The following PSG11 variants were observed in gnomAD, a reference collection of about 807,000 sequenced individuals.
The protein encoded by PSG11 is pregnancy-specific beta-1-glycoprotein 11.
In PSG11, 42 loss-of-function variants were observed where a neutral mutation model predicts 36.0. The ratio of observed to expected loss-of-function variants is 1.17; its 90% confidence interval spans 0.91 to 1.51. The LOEUF (loss-of-function observed/expected upper bound fraction) is 1.51, where lower values mean the gene tolerates loss of function less well. Among genes scored for constraint, PSG11 ranks in the 40% most tolerant of loss-of-function variants. The pLI is 0.00. For missense variants in PSG11, 558 were observed against 403.5 expected, an observed-to-expected ratio of 1.38 and a Z score of -3.28; for synonymous variants, 206 against 153.5, an observed-to-expected ratio of 1.34 and a Z score of -2.53.
chr19:43,024,096 T>C (rs1471511195), intron 2 of PSG11, among the ~76,000 whole-genome samples: 1 of 151,374 alleles, frequency 6.6e-6, no homozygotes, highest in African/African-American at 2.4e-5. Flanking sequence ...CTCTCCACTC[T>C]GAGTGTCAGG....
chr19:43,010,693 C>T (rs10407795), intron 4 of PSG11: 4,862 of 182,338 alleles, frequency 0.027, 432 homozygotes, highest in African/African-American at 0.11. Flanking sequence ...TCCTGTACTA[C>T]CTTCATGCCT....
At chr19:43,021,570 C>G (rs1337606245) in intron 2 of PSG11, among the ~76,000 whole-genome samples, 1 of 151,360 alleles carries the variant, frequency 6.6e-6, no homozygotes, top group Non-Finnish European at 1.5e-5. Context: ...CCAGGATGGT[C>G]TCCATCTCCT....
chr19:43,022,588 A>G lies in PSG11; in HGVS notation c.430+2103T>C, dbSNP rs560958910. Among the ~76,000 whole-genome samples the G allele has an allele frequency of 5.5e-4, 83 of 151,378 alleles. 3 individuals carry two copies. The highest frequency in any genetic ancestry group is 1.7e-3 in the African/African-American group (68 of 41,064). Reference sequence around the variant, plus strand: ...AAATCTTTCTTTACTAAAAATCACCATTTCAATAAATTTGTGTGTTTGTGT... The same window carrying G: ...AAATCTTTCTTTACTAAAAATCACCGTTTCAATAAATTTGTGTGTTTGTGT... On this transcript the variant is annotated intron_variant, in intron 2 of 5. Coordinates refer to ENST00000320078, the MANE Select transcript of PSG11 (RefSeq NM_002785.3).
chr19:43,008,178 A>C (rs1973978129), intron 5 of PSG11, 136 bp from the exon 6 acceptor site: 1 of 266,076 alleles, frequency 3.8e-6, no homozygotes, highest in Admixed American at 5.5e-5. Context: ...TGGTAAAGAC[A>C]CAGCTCACAT....
chr19:43,024,828 C>T lies in PSG11; in HGVS notation c.293G>A (p.Arg98Gln), dbSNP rs768654374. The change falls in exon 2 of 6, where the codon CGA (arginine) becomes CAA (glutamine). Residue 98 changes from arginine to glutamine, a missense_variant. Coordinates refer to ENST00000320078, the MANE Select transcript of PSG11 (RefSeq NM_002785.3). ...IIIYGPAYSG[R>Q]ETVYSNASLL... ...GGATGCATTGGAATATACTGTTTCT[C>T]GTCCACTGTATGCCGGTCCATATAT... is the stretch of plus-strand genomic sequence containing the variant. The T allele has an allele frequency of 3.2e-5, 52 of 1,611,836 alleles. 4 individuals are homozygous for T. The highest frequency in any genetic ancestry group is 1.3e-4 in the Admixed American group (8 of 59,832).
Position 43,016,820 on chromosome 19 carries a change from A to G in PSG11, c.710-1450T>C, listed in dbSNP as rs1966978743. ...CCTTTCCTTCTGCAGAGGGCAGGTG[A>G]GGACCATGTGGATCTTTCCAGAAAT... is the stretch of plus-strand genomic sequence containing the variant. On this transcript the variant is annotated intron_variant, in intron 3 of 5. Coordinates refer to ENST00000320078, the MANE Select transcript of PSG11 (RefSeq NM_002785.3). Among the ~76,000 whole-genome samples the G allele has an allele frequency of 3.3e-5, 5 of 151,684 alleles. No individual in the cohort carries two copies. The South Asian group carries it at 1.0e-3, about 32-fold the overall frequency.
intron 2 of PSG11, chr19:43,019,282 A>T: frequency 1.1e-6 from 1 of 922,728 alleles, no homozygotes; most frequent in South Asian, 2.0e-5. Flanking sequence ...ATTGAGCAGC[A>T]GCATTGGGTC....
intron 3 of PSG11, chr19:43,015,836 G>T: frequency 6.2e-7 from 1 of 1,610,150 alleles, no homozygotes; most frequent in Middle Eastern, 2.1e-4. Context: ...CATTGATAGG[G>T]TCCTGTTTCA....
At chr19:43,019,166 A>C in intron 2 of PSG11, 118 bp from the exon 3 acceptor site, 1 of 1,521,918 alleles carries the variant, frequency 6.6e-7, no homozygotes, top group Non-Finnish European at 8.8e-7. Flanking sequence ...CTAAAAGCCC[A>C]TGGCAGGTGT....
At chr19:43,014,222 T>A in intron 4 of PSG11, 1 of 581,662 alleles carries the variant, frequency 1.7e-6, no homozygotes, top group Non-Finnish European at 2.2e-6. Flanking sequence ...ATTGCACACT[T>A]AGAAACAGTT....
At chr19:43,023,835 T>C (rs1967165758) in intron 2 of PSG11, among the ~76,000 whole-genome samples, 1 of 151,406 alleles carries the variant, frequency 6.6e-6, no homozygotes, top group Non-Finnish European at 1.5e-5. Flanking sequence ...ATGCTATCTG[T>C]GAATAAATGT....
At position 43,018,478 on chromosome 19, in the gene PSG11, C is replaced by T. The variant is rs139934441; in HGVS notation, c.709+292G>A. The T allele has an allele frequency of 7.5e-4, 480 of 643,172 alleles. 2 individuals carry two copies. In the African/African-American group the frequency reaches 8.3e-3, roughly 11 times the overall value. The allele number at this position is 643,172 out of a possible 1,614,324, so 39.8% of individuals were successfully genotyped here. On this transcript the variant is annotated intron_variant, in intron 3 of 5. Coordinates refer to ENST00000320078, the MANE Select transcript of PSG11 (RefSeq NM_002785.3). ...GTGAGCCAAGTCGCAAGACTGAAGTCCCAGCCAAATCCTCGCTGTGTTCAC... is the reference window on the plus strand; with the variant it reads ...GTGAGCCAAGTCGCAAGACTGAAGTTCCAGCCAAATCCTCGCTGTGTTCAC...
At chr19:43,016,329 C>A (rs1397174263) in intron 3 of PSG11, among the ~76,000 whole-genome samples, 1 of 151,190 alleles carries the variant, frequency 6.6e-6, no homozygotes, top group Non-Finnish European at 1.5e-5. Context: ...CCCCTGGTAC[C>A]CCTCCCAGTC....
intron 4 of PSG11, chr19:43,014,412 G>A: frequency 1.1e-6 from 1 of 948,404 alleles, no homozygotes; most frequent in Non-Finnish European, 1.3e-6. Context: ...TGTGCCCACA[G>A]CCTCATACAG....
At chr19:43,015,793 C>T (rs1966949481) in intron 3 of PSG11, 1 of 1,610,170 alleles carries the variant, frequency 6.2e-7, no homozygotes, top group South Asian at 1.1e-5. Flanking sequence ...GACTGAGTCA[C>T]TGCGGATGCC....
rs201797073 is a variant in PSG11 at position 43,010,039 on chromosome 19, G to T, written c.967C>A (p.Pro323Thr). 2 of 1,609,252 alleles carry T rather than the reference G, an allele frequency of 1.2e-6. No individual in the cohort carries two copies. Among genetic ancestry groups the T allele is most frequent in the South Asian group, 2.2e-5 (2 of 90,672 alleles). Residue 323 changes from proline (P) to threonine (T), a missense_variant and splice_region_variant, in exon 5 of 6, where the codon CCT becomes ACT. By Grantham distance (38) the Pro-to-Thr change is conservative. Coordinates refer to ENST00000320078, the MANE Select transcript of PSG11 (RefSeq NM_002785.3). Reference protein sequence around the residue: ...STSLTIRVIAPPGLGTFAFNN... With the variant: ...STSLTIRVIATPGLGTFAFNN... ...AAAGCAAAAGTTCCTAATCCTGGAG[G>T]AGCTGTCATGGAAAGAAAAGAAAAG...
chr19:43,013,796 A>C (rs369292036), intron 4 of PSG11, among the ~76,000 whole-genome samples: 9 of 151,432 alleles, frequency 5.9e-5, no homozygotes, highest in African/African-American at 1.9e-4. Context: ...AATTGAAAGA[A>C]ATTTGAACAA....
intron 2 of PSG11, 31 bp from the exon 3 acceptor site, chr19:43,019,079 G>T (rs373996628): frequency 1.9e-6 from 3 of 1,599,804 alleles, no homozygotes; most frequent in Middle Eastern, 1.7e-4. Flanking sequence ...AGATTGCCCT[G>T]TGTGGCACCT....
At chr19:43,008,168 T>C (rs1599665175) in intron 5 of PSG11, 126 bp from the exon 6 acceptor site, 1 of 278,954 alleles carries the variant, frequency 3.6e-6, no homozygotes, top group East Asian at 5.5e-5. Context: ...GAATTTATTA[T>C]GGTAAAGACA....
Sources: gnomAD v4.1 joint callset for allele counts (sites outside exome capture counted in the v4.1 genomes callset) on GRCh38, gnomAD v4.1.1 for gene constraint, MANE v1.5 for transcripts, NCBI Gene and HGNC (gene_info 2026-07-23, HGNC 2026-07-21) for gene names.